Variants in PTPRU observed in about 807,000 individuals in gnomAD.
The protein encoded by PTPRU is protein tyrosine phosphatase receptor type U, also known as receptor-type tyrosine-protein phosphatase U.
Under a neutral mutation model 166.3 loss-of-function variants are expected in PTPRU, and 69 were observed. That is an observed-to-expected ratio of 0.41 (90% CI 0.34 to 0.51). The LOEUF (loss-of-function observed/expected upper bound fraction) is 0.51, where lower values mean the gene tolerates loss of function less well. PTPRU is among the 20% of genes least tolerant of loss of function. PTPRU has a pLI of 0.09. For synonymous variants in PTPRU, 793 were observed against 814.0 expected, an observed-to-expected ratio of 0.97 and a Z score of 0.44; for missense variants, 1,657 against 2,013.7, an observed-to-expected ratio of 0.82 and a Z score of 3.39.
At chr1:29,283,788 C>A (rs1419930809) in intron 12 of PTPRU, 152 bp from the exon 13 acceptor site, 7 of 881,120 alleles carry the variant, frequency 7.9e-6, no homozygotes, top group African/African-American at 1.7e-5. Flanking sequence ...TCAAGGGTCC[C>A]CCCAGGCCTG....
At chr1:29,250,375 T>C (rs541399667) in intron 1 of PTPRU, among the ~76,000 whole-genome samples, 1 of 152,312 alleles carries the variant, frequency 6.6e-6, no homozygotes, top group South Asian at 2.1e-4. Context: ...TTTGTTTTGT[T>C]TGTGCCCAGT....
intron 24 of PTPRU, among the ~76,000 whole-genome samples, chr1:29,316,646 C>G (rs1427104014): frequency 6.6e-6 from 1 of 152,158 alleles, no homozygotes; most frequent in African/African-American, 2.4e-5. Flanking sequence ...TGGTTCTGCT[C>G]TCCTATTTTT....
At chr1:29,249,492 A>G (rs1307165313) in intron 1 of PTPRU, among the ~76,000 whole-genome samples, 2 of 152,248 alleles carry the variant, frequency 1.3e-5, no homozygotes, top group African/African-American at 4.8e-5. Flanking sequence ...AGGCCTCTGT[A>G]GAGATGGGGT....
chr1:29,255,880 G>C (rs926238148), intron 2 of PTPRU, among the ~76,000 whole-genome samples: 1 of 152,144 alleles, frequency 6.6e-6, no homozygotes, highest in Non-Finnish European at 1.5e-5. Flanking sequence ...GATTCTTCTC[G>C]ACTTCTACCT....
At chr1:29,305,507 G>C (rs1216664055) in intron 18 of PTPRU, 79 bp downstream of exon 18, 3 of 1,440,562 alleles carry the variant, frequency 2.1e-6, no homozygotes, top group Non-Finnish European at 2.9e-6. Flanking sequence ...GCAGAAACCT[G>C]TCGGGATAAA....
chr1:29,323,479 G>T lies in PTPRU; in HGVS notation c.3937G>T (p.Val1313Leu). ...DEDLVARVFR[V>L]QNISRLQEGH... ...AGACTTAGTGGCTCGAGTCTTCCGG[G>T]TGCAGAACATCTCTCGGGTGAGTGG... The change falls in exon 27 of 30, where the codon GTG becomes TTG. Residue 1313 changes from valine (V) to leucine (L), a missense_variant. Transcript: ENST00000373779. 6.2e-7 allele frequency: 1 copy of T among 1,607,906 alleles called. No homozygotes were observed. The highest frequency in any genetic ancestry group is 8.5e-7 in the Non-Finnish European group (1 of 1,177,316).
chr1:29,304,398 A>T (rs1281499719), intron 16 of PTPRU, among the ~76,000 whole-genome samples: 2 of 152,072 alleles, frequency 1.3e-5, no homozygotes, highest in African/African-American at 4.8e-5. Context: ...CCTAAGCTCC[A>T]TTTGAACTCT....
chr1:29,289,684 A>G, intron 14 of PTPRU: 1 of 1,613,986 alleles, frequency 6.2e-7, no homozygotes, highest in East Asian at 2.2e-5. Context: ...CGCTGCCAGG[A>G]GAGACCACTA....
intron 7 of PTPRU, among the ~76,000 whole-genome samples, chr1:29,264,370 T>C (rs557987613): frequency 1.3e-5 from 2 of 152,256 alleles, no homozygotes; most frequent in Non-Finnish European, 2.9e-5. Flanking sequence ...AAGAAACCAT[T>C]GCCTAATCCA....
chr1:29,255,692 C>T (rs970351676), intron 2 of PTPRU, among the ~76,000 whole-genome samples: 10 of 152,208 alleles, frequency 6.6e-5, no homozygotes, highest in African/African-American at 2.2e-4. Flanking sequence ...ACCACTCCCA[C>T]TCTCAGTTCT....
rs1685935601 is a variant in PTPRU at position 29,278,963 on chromosome 1, T to C, written c.1454-49T>C. On this transcript the variant is annotated intron_variant, in intron 8 of 29. Coordinates refer to ENST00000373779, the MANE Select transcript of PTPRU (RefSeq NM_133178.4). ...AGGCTGGAATTTAAACCCAGGTGTC[T>C]GGCACCAAAGCCCACTTTCCCCTGG... is the stretch of plus-strand genomic sequence containing the variant. 3.4e-6 allele frequency: 5 copies of C among 1,459,398 alleles called. No individual in the cohort carries two copies. The Middle Eastern group carries it at 7.4e-4, about 216-fold the overall frequency. The allele number at this position is 1,459,398 out of a possible 1,614,324, so 90.4% of individuals were successfully genotyped here.
At chr1:29,252,672 T>C (rs998771857) in intron 1 of PTPRU, among the ~76,000 whole-genome samples, 9 of 152,200 alleles carry the variant, frequency 5.9e-5, no homozygotes, top group Admixed American at 3.3e-4. Flanking sequence ...AGTCGCTTGC[T>C]GCGTGTGAAG....
intron 27 of PTPRU, 39 bp from the exon 28 acceptor site, chr1:29,323,592 G>A (rs1269757142): frequency 6.2e-7 from 1 of 1,612,736 alleles, no homozygotes; most frequent in East Asian, 2.2e-5. Context: ...TGGGACCCTG[G>A]TGCTCATGTC....
rs1557468958 is a variant in PTPRU at position 29,303,859 on chromosome 1, C to T, written c.2481C>T (p.Asp827=). ...MDTHGYSTRG[D]QRSGGVTEAS... ...TTTGTCTTTCTCTGACTGCAGGAGA[C>T]CAGCGCAGCGGTGGGGTCACTGAGG... Residue 827 remains aspartate, a synonymous_variant, in exon 16 of 30, where the codon GAC becomes GAT. Transcript: ENST00000373779. 7 of 1,604,554 alleles carry T rather than the reference C, an allele frequency of 4.4e-6. No homozygotes were observed. The highest frequency in any genetic ancestry group is 1.3e-5 in the African/African-American group (1 of 74,828).
chr1:29,282,691 T>G lies in PTPRU; in HGVS notation c.1884T>G (p.Ile628Met), dbSNP rs764568294. The change falls in exon 12 of 30, where the codon ATT (isoleucine) becomes ATG (methionine). Residue 628 changes from isoleucine to methionine, a missense_variant. Ile to Met is a conservative substitution (Grantham distance 10). Transcript: ENST00000373779. Reference sequence around the variant, plus strand: ...CCCTGTCCAGTGTGTACCAGGTGATTGTGGAGGAGGAGCGGGCGCGGAGGC... The same window carrying G: ...CCCTGTCCAGTGTGTACCAGGTGATGGTGGAGGAGGAGCGGGCGCGGAGGC... ...RGAPISVYQVIVEEERARRLR... is the reference protein window; with the variant it reads ...RGAPISVYQVMVEEERARRLR... 6.2e-7 allele frequency: 1 copy of G among 1,612,608 alleles called. No individual in the cohort carries two copies. Among genetic ancestry groups the G allele is most frequent in the South Asian group, 1.1e-5 (1 of 90,976 alleles).
Position 29,320,645 on chromosome 1 carries a change from G to A in PTPRU, c.3688-40G>A. The A allele has an allele frequency of 1.3e-6, 2 of 1,523,282 alleles. 1 individual carries two copies. Among genetic ancestry groups the A allele is most frequent in the South Asian group, 2.5e-5 (2 of 78,708 alleles). The allele number at this position is 1,523,282 out of a possible 1,614,324, so 94.4% of individuals were successfully genotyped here. On this transcript the variant is annotated intron_variant, in intron 25 of 29. Coordinates refer to ENST00000373779, the MANE Select transcript of PTPRU (RefSeq NM_133178.4). The surrounding 1 kb of genome is among the most constrained non-coding windows in gnomAD (Gnocchi z 5.2). ...GGCAGAGGCTCAGCCCAGGCCAGGG[G>A]CCGGGAACAGGGCCCTGCTGAGTTC...
chr1:29,251,247 A>G (rs377477175), intron 1 of PTPRU, among the ~76,000 whole-genome samples: 14 of 151,730 alleles, frequency 9.2e-5, no homozygotes, highest in East Asian at 5.8e-4. Flanking sequence ...ATGAGACTCT[A>G]TCTCAAAAGA....
At chr1:29,296,576 A>G (rs1423282903) in intron 15 of PTPRU, among the ~76,000 whole-genome samples, 1 of 146,884 alleles carries the variant, frequency 6.8e-6, no homozygotes, top group African/African-American at 2.5e-5. Context: ...TGGTGTGATC[A>G]TGGTTCACTG....
chr1:29,252,615 A>G (rs930615334), intron 1 of PTPRU, among the ~76,000 whole-genome samples: 12 of 152,158 alleles, frequency 7.9e-5, no homozygotes, highest in Admixed American at 6.5e-4. Flanking sequence ...ATCACCGCCT[A>G]GAGGAGTTGC....
Sources: allele counts gnomAD v4.1 joint callset (sites outside exome capture counted in the v4.1 genomes callset), GRCh38; gene constraint gnomAD v4.1.1; non-coding constraint Gnocchi (gnomAD v3.1); transcripts MANE v1.5; gene names NCBI Gene and HGNC (gene_info 2026-07-23, HGNC 2026-07-21).